XPR1: variants seen among roughly 807,000 people sequenced by gnomAD.
XPR1 encodes the protein xenotropic and polytropic retrovirus receptor 1, also known as solute carrier family 53 member 1.
A neutral mutation model predicts 87.5 loss-of-function variants in XPR1; 28 were observed. The ratio of observed to expected loss-of-function variants is 0.32; its 90% CI spans 0.24 to 0.44. The LOEUF is 0.44. Ranked by LOEUF, XPR1 falls within the 20% of genes least tolerant of loss-of-function variation. The probability of loss-of-function intolerance (pLI) is 1.00; values close to 1 mark genes in which losing one functional copy is unlikely to be tolerated. For synonymous variants in XPR1, 300 were observed against 306.1 expected (o/e 0.98, Z 0.21); for missense variants, 559 against 862.3 (o/e 0.65, Z 4.41).
chr1:180,880,672 T>G (rs773967473), intron 14 of XPR1, among the ~76,000 whole-genome samples: 2 of 152,364 alleles, frequency 1.3e-5, no homozygotes, highest in Non-Finnish European at 2.9e-5. Context: ...ACTTAATTTC[T>G]GTTTTCTGCC....
At chr1:180,709,228 A>C (rs1388064341) in intron 2 of XPR1, among the ~76,000 whole-genome samples, 1 of 152,228 alleles carries the variant, frequency 6.6e-6, no homozygotes, top group African/African-American at 2.4e-5. Flanking sequence ...AAGCATGTAA[A>C]GTTTTAAAGA....
chr1:180,883,681 C>T (rs1177076701), intron 14 of XPR1, among the ~76,000 whole-genome samples: 1 of 149,328 alleles, frequency 6.7e-6, no homozygotes, highest in Non-Finnish European at 1.5e-5. Context: ...TGCACTCCAG[C>T]CTGGCGACAG....
intron 2 of XPR1, among the ~76,000 whole-genome samples, chr1:180,725,382 TG>T (rs1428515555): frequency 6.6e-6 from 1 of 152,018 alleles, no homozygotes. Flanking sequence ...GGTAAAAATT[TG>T]GGGGAAAAAA....
At chr1:180,662,592 G>A (rs1195870517) in intron 1 of XPR1, among the ~76,000 whole-genome samples, 1 of 152,104 alleles carries the variant, frequency 6.6e-6, no homozygotes, top group East Asian at 1.9e-4. Flanking sequence ...ATTATTAAAT[G>A]CCTTAAGGTA....
chr1:180,812,134 G>GT (rs1553250829), intron 7 of XPR1, among the ~76,000 whole-genome samples: 12 of 152,112 alleles, frequency 7.9e-5, no homozygotes, highest in African/African-American at 2.2e-4. Context: ...CACTTTGATT[G>GT]TTTTTTCTGG....
chr1:180,810,157 T>C (rs1353003095), intron 6 of XPR1, among the ~76,000 whole-genome samples: 2 of 152,144 alleles, frequency 1.3e-5, no homozygotes, highest in Non-Finnish European at 2.9e-5. Context: ...AAGCAGAAGT[T>C]TCAAAAATCG....
At chr1:180,735,055 A>G (rs540924246) in intron 2 of XPR1, among the ~76,000 whole-genome samples, 11 of 152,350 alleles carry the variant, frequency 7.2e-5, no homozygotes, top group Non-Finnish European at 1.5e-4. Context: ...ACTCATAGGA[A>G]TTGGTCTTGA....
In XPR1 at chr1:180,704,245, GATATATATATATATATATAT is replaced by G. The variant is rs35751561; in HGVS notation, c.121+21847_121+21866del. 4.4e-3 allele frequency among the ~76,000 whole-genome samples: 290 copies of G among 66,030 alleles called. 15 individuals carry two copies. In the East Asian group the frequency reaches 0.047, roughly 11 times the overall value. 43.3% of individuals were successfully genotyped at this position (66,030 alleles called of 152,430 possible). On this transcript the variant is annotated intron_variant, in intron 2 of 14. Transcript: ENST00000367590. ...TTTCTCAAGAACACTATAGGTGCTG[GATATATATATATATATATAT>G]ATATATATATATTATCAGATTATCT...
chr1:180,682,844 G>A (rs1224598023), intron 2 of XPR1, among the ~76,000 whole-genome samples: 3 of 152,004 alleles, frequency 2.0e-5, no homozygotes, highest in Non-Finnish European at 2.9e-5. Context: ...GTGTGTGTGT[G>A]TGTGTGTGTA....
At chr1:180,685,777 A>C (rs1298980074) in intron 2 of XPR1, among the ~76,000 whole-genome samples, 1 of 152,056 alleles carries the variant, frequency 6.6e-6, no homozygotes, top group East Asian at 1.9e-4. Flanking sequence ...ATGTGCGTAG[A>C]GGTGTTTATA....
At chr1:180,691,581 T>C (rs964222986) in intron 2 of XPR1, among the ~76,000 whole-genome samples, 4 of 152,170 alleles carry the variant, frequency 2.6e-5, no homozygotes, top group African/African-American at 7.2e-5. Flanking sequence ...GTCTCTGTTT[T>C]TCTGCCATTT....
chr1:180,632,600 G>A (rs1049795505), intron 1 of XPR1, among the ~76,000 whole-genome samples: 1 of 152,222 alleles, frequency 6.6e-6, no homozygotes, highest in Non-Finnish European at 1.5e-5. Context: ...GGGCAGCCCC[G>A]GGTCGCGGCT....
At chr1:180,878,242 C>T (rs1652723095) in intron 13 of XPR1, 1 of 152,136 alleles carries the variant, frequency 6.6e-6, no homozygotes, top group Non-Finnish European at 1.5e-5. Flanking sequence ...AAATCATTTG[C>T]TTACTAACTA....
intron 2 of XPR1, among the ~76,000 whole-genome samples, chr1:180,756,324 A>G (rs1000424121): frequency 6.6e-6 from 1 of 152,230 alleles, no homozygotes; most frequent in Non-Finnish European, 1.5e-5. Flanking sequence ...TTAAAATTAT[A>G]GCCATCCTGG....
intron 13 of XPR1, among the ~76,000 whole-genome samples, chr1:180,875,023 A>C (rs1325883634): frequency 6.6e-6 from 1 of 152,222 alleles, no homozygotes; most frequent in Non-Finnish European, 1.5e-5. Flanking sequence ...ACTGCATCCA[A>C]CTACTAAATA....
chr1:180,693,216 TG>T, intron 2 of XPR1, among the ~76,000 whole-genome samples: 1 of 152,228 alleles, frequency 6.6e-6, no homozygotes, highest in Non-Finnish European at 1.5e-5. Context: ...AGTTTAAAGT[TG>T]GCAGAGTTCA....
rs1468347622 is a variant in XPR1 at position 180,887,825 on chromosome 1, A to C, written c.*3759A>C. 1 of 152,258 alleles carries C rather than the reference A, an allele frequency of 6.6e-6. No individual in the cohort carries two copies. Among genetic ancestry groups the C allele is most frequent in the African/African-American group, 2.4e-5 (1 of 41,484 alleles). The allele number at this position is 152,258 out of a possible 1,614,324, so 9.4% of individuals were successfully genotyped here. ...CAGAAGTAACGTGTTGATGTATATTATCTTTCCACCATGCTTTGACCAAAG... is the reference window on the plus strand; with the variant it reads ...CAGAAGTAACGTGTTGATGTATATTCTCTTTCCACCATGCTTTGACCAAAG... On this transcript the variant is annotated 3_prime_UTR_variant, in exon 15 of 15. Coordinates refer to ENST00000367590, the MANE Select transcript of XPR1 (RefSeq NM_004736.4).
chr1:180,755,312 T>C (rs1387357756), intron 2 of XPR1, among the ~76,000 whole-genome samples: 1 of 152,240 alleles, frequency 6.6e-6, no homozygotes, highest in African/African-American at 2.4e-5. Flanking sequence ...TTTATTTCAG[T>C]GCAGTTAATA....
At chr1:180,803,183 A>G (rs1258216482) in intron 3 of XPR1, among the ~76,000 whole-genome samples, 1 of 152,232 alleles carries the variant, frequency 6.6e-6, no homozygotes, top group Non-Finnish European at 1.5e-5. Context: ...ATTTGTAAAA[A>G]GAAAGGGTAC....
Sources: gnomAD v4.1 joint callset for allele counts (sites outside exome capture counted in the v4.1 genomes callset) on GRCh38, gnomAD v4.1.1 for gene constraint, MANE v1.5 for transcripts, NCBI Gene and HGNC (gene_info 2026-07-23, HGNC 2026-07-21) for gene names.